The following SMARCC1 variants were observed in gnomAD, a reference collection of about 807,000 sequenced individuals.
SMARCC1 encodes the protein SWI/SNF related BAF chromatin remodeling complex subunit C1.
SMARCC1 carries 43 observed loss-of-function variants against 147.4 expected under a neutral mutation model. The observed-to-expected ratio is 0.29, with a 90% CI of 0.23 to 0.38. The LOEUF (loss-of-function observed/expected upper bound fraction) is 0.38. SMARCC1 is among the 10% of genes least tolerant of loss of function. The pLI is 1.00. For missense variants in SMARCC1, 1,119 were observed against 1,381.1 expected (o/e 0.81, Z 3.01); for synonymous variants, 495 against 484.4 (o/e 1.02, Z -0.29).
rs139185674 is a variant in SMARCC1 at position 47,636,677 on chromosome 3, C to T, written c.2377-541G>A. Among the ~76,000 whole-genome samples the T allele has an allele frequency of 9.9e-3, 1,507 of 152,158 alleles. 13 individuals are homozygous for T. The highest frequency in any genetic ancestry group is 0.017 in the East Asian group (88 of 5,182). ...CTGAGGCAGGAGAATCCCTTGAACA[C>T]CCGGGAGGCAGAGATTGCAGTGACC... On this transcript the variant is annotated intron_variant, in intron 22 of 27. Transcript: ENST00000254480.
chr3:47,659,880 A>C (rs1278343080), intron 21 of SMARCC1, among the ~76,000 whole-genome samples: 1 of 152,006 alleles, frequency 6.6e-6, no homozygotes, highest in African/African-American at 2.4e-5. Context: ...ACATCAAACC[A>C]CTAGATTGGC....
intron 18 of SMARCC1, among the ~76,000 whole-genome samples, chr3:47,671,180 A>AAAAAAAAAAAAT (rs2033493208): frequency 7.0e-6 from 1 of 142,872 alleles, no homozygotes; most frequent in Admixed American, 7.1e-5. Flanking sequence ...TCTCAAAAAA[A>AAAAAAAAAAAAT]AAAAAAAAAA....
chr3:47,781,045 A>C (rs761164397), intron 1 of SMARCC1, among the ~76,000 whole-genome samples: 1 of 152,182 alleles, frequency 6.6e-6, no homozygotes. Flanking sequence ...CACTTTACGT[A>C]CAAGCGACCA....
At chr3:47,663,194 G>A (rs1368176889) in intron 19 of SMARCC1, among the ~76,000 whole-genome samples, 1 of 78,604 alleles carries the variant, frequency 1.3e-5, no homozygotes, top group Non-Finnish European at 2.7e-5. Flanking sequence ...GGGGAGGGGA[G>A]GGGTGGGGAG....
chr3:47,781,509 C>G (rs527837641), intron 1 of SMARCC1, 94 bp downstream of exon 1: 1 of 869,254 alleles, frequency 1.2e-6, no homozygotes, highest in Admixed American at 4.4e-5. Flanking sequence ...TCGTGGCGTG[C>G]GGGGGGGAGG....
intron 24 of SMARCC1, among the ~76,000 whole-genome samples, chr3:47,624,344 G>A (rs2032777364): frequency 6.6e-6 from 1 of 151,906 alleles, no homozygotes; most frequent in Non-Finnish European, 1.5e-5. Context: ...AAATTAAAAA[G>A]ATCCACAGCA....
chr3:47,710,770 A>G lies in SMARCC1; in HGVS notation c.831T>C (p.Asn277=), dbSNP rs755716046. 6.2e-7 allele frequency: 1 copy of G among 1,612,660 alleles called. No individual in the cohort carries two copies. The highest frequency in any genetic ancestry group is 8.5e-7 in the Non-Finnish European group (1 of 1,179,150). The change falls in exon 9 of 28, where the codon AAT becomes AAC. Residue 277 remains asparagine, a synonymous_variant. Coordinates refer to ENST00000254480, the MANE Select transcript of SMARCC1 (RefSeq NM_003074.4). ...CATAATCCTCCTCATTCATCCATTCATTGAAAATATCAGTGTCCAAAATCC... is the reference window on the plus strand; with the variant it reads ...CATAATCCTCCTCATTCATCCATTCGTTGAAAATATCAGTGTCCAAAATCC... ...VKWILDTDIF[N]EWMNEEDYEV...
intron 7 of SMARCC1, among the ~76,000 whole-genome samples, chr3:47,720,216 C>T (rs1345672962): frequency 2.0e-5 from 3 of 152,078 alleles, no homozygotes; most frequent in African/African-American, 7.2e-5. Context: ...CTCCACCTCC[C>T]GGGTTCAAGG....
intron 21 of SMARCC1, among the ~76,000 whole-genome samples, chr3:47,644,053 G>A (rs1429709175): frequency 6.6e-6 from 1 of 152,194 alleles, no homozygotes; most frequent in Non-Finnish European, 1.5e-5. Context: ...TGGGCATGGT[G>A]ATACGGTGGT....
At chr3:47,706,921 A>C (rs560051011) in intron 9 of SMARCC1, among the ~76,000 whole-genome samples, 1 of 152,346 alleles carries the variant, frequency 6.6e-6, no homozygotes, top group Admixed American at 6.5e-5. Flanking sequence ...ATCCTGTGAA[A>C]ATGTAGCATT....
intron 11 of SMARCC1, among the ~76,000 whole-genome samples, chr3:47,695,926 G>A (rs71615470): frequency 1 from 120,732 of 120,890 alleles, 60,287 homozygotes; most frequent in Non-Finnish European, 1. Context: ...AATCAGCCGG[G>A]CGTGGTGGTG....
At chr3:47,683,970 C>A (rs1385197989) in intron 14 of SMARCC1, among the ~76,000 whole-genome samples, 4 of 136,380 alleles carry the variant, frequency 2.9e-5, no homozygotes, top group Non-Finnish European at 6.3e-5. Context: ...AGACAGTACT[C>A]GGCCGGGCGC....
rs868412923 is a variant in SMARCC1 at position 47,740,862 on chromosome 3, A to C, written c.402-2752T>G. On this transcript the variant is annotated intron_variant, in intron 3 of 27. Coordinates refer to ENST00000254480, the MANE Select transcript of SMARCC1 (RefSeq NM_003074.4). ...GGAGACTCTGACTCAAAAAAAAAAA[A>C]AAAAAAACAAAAACCTACAATCTAA... Among the ~76,000 whole-genome samples the C allele has an allele frequency of 1.2e-4, 18 of 151,786 alleles. 1 individual carries two copies. The highest frequency in any genetic ancestry group is 1.0e-3 in the South Asian group (5 of 4,818).
intron 2 of SMARCC1, among the ~76,000 whole-genome samples, chr3:47,754,086 C>T (rs1449112399): frequency 6.6e-6 from 1 of 152,100 alleles, no homozygotes; most frequent in African/African-American, 2.4e-5. Context: ...TCACTGCTAC[C>T]GTAATAGTCT....
At chr3:47,663,986 G>A in intron 19 of SMARCC1, 2 of 1,022,592 alleles carry the variant, frequency 2.0e-6, no homozygotes, top group Non-Finnish European at 2.9e-6. Flanking sequence ...AAACCCAGGA[G>A]CAAGCACTGG....
At chr3:47,663,660 C>T (rs1047816036) in intron 19 of SMARCC1, 7 of 1,505,868 alleles carry the variant, frequency 4.6e-6, no homozygotes, top group South Asian at 2.2e-5. Context: ...TTTGAACCAT[C>T]GAAGCCCCCA....
intron 9 of SMARCC1, among the ~76,000 whole-genome samples, chr3:47,709,663 GCAA>G (rs2034060876): frequency 6.6e-6 from 1 of 152,094 alleles, no homozygotes; most frequent in African/African-American, 2.4e-5. Context: ...TCCAGCCTGG[GCAA>G]CAGAGTGAGA....
chr3:47,728,917 AAAAC>A, intron 6 of SMARCC1, 104 bp downstream of exon 6: 1 of 667,006 alleles, frequency 1.5e-6, no homozygotes, highest in East Asian at 3.0e-5. Flanking sequence ...AAACAAAACA[AAAAC>A]AAATAAAAAG....
At chr3:47,734,232 A>C (rs1478563974) in intron 5 of SMARCC1, among the ~76,000 whole-genome samples, 1 of 152,148 alleles carries the variant, frequency 6.6e-6, no homozygotes, top group Non-Finnish European at 1.5e-5. Flanking sequence ...TCAATCCAAT[A>C]AAAAGATATT....
Sources: gnomAD v4.1 joint callset for allele counts (sites outside exome capture counted in the v4.1 genomes callset) on GRCh38, gnomAD v4.1.1 for gene constraint, MANE v1.5 for transcripts, NCBI Gene and HGNC (gene_info 2026-07-23, HGNC 2026-07-21) for gene names.